Variants in PRPF18 observed in about 807,000 individuals in gnomAD.
PRPF18 encodes the protein pre-mRNA processing factor 18.
In PRPF18, 38 loss-of-function variants were observed where a neutral mutation model predicts 46.5. The ratio of observed to expected loss-of-function variants is 0.82; its 90% CI spans 0.63 to 1.07. The LOEUF is 1.07. Ranked by LOEUF, PRPF18 falls within the 50% of genes least tolerant of loss-of-function variation. The pLI is 0.00. For missense variants in PRPF18, 263 were observed against 410.0 expected (o/e 0.64, Z 3.10); for synonymous variants, 152 against 146.7 (o/e 1.04, Z -0.26).
chr10:13,650,889 G>A, the PRPF18 span, among the ~76,000 whole-genome samples: 2 of 152,220 alleles, frequency 1.3e-5, no homozygotes, highest in East Asian at 1.9e-4. Flanking sequence ...TAACATCTCC[G>A]TGAACTCGAA....
chr10:13,625,802 G>A (rs2080495162), intron 9 of PRPF18, among the ~76,000 whole-genome samples: 1 of 152,214 alleles, frequency 6.6e-6, no homozygotes, highest in Non-Finnish European at 1.5e-5. Context: ...GTAGAAGACA[G>A]TAGAGCAGTA....
downstream of PRPF18, among the ~76,000 whole-genome samples, chr10:13,633,127 G>A (rs2080604936): frequency 6.6e-6 from 1 of 152,220 alleles, no homozygotes; most frequent in Non-Finnish European, 1.5e-5. Context: ...AATTAGGAAA[G>A]TAAAGCTAAG....
rs1369377009 is a variant in PRPF18 at position 13,587,016 on chromosome 10, G to T, written c.-71G>T. 2 of 1,519,452 alleles carry T rather than the reference G, an allele frequency of 1.3e-6. No individual in the cohort carries two copies. The highest frequency in any genetic ancestry group is 2.7e-5 in the African/African-American group (2 of 72,768). 94.1% of individuals were successfully genotyped at this position (1,519,452 alleles called of 1,614,324 possible). A position where few individuals can be genotyped will look rare whatever the true frequency, so the allele number is the denominator to read the frequency against. Reference sequence around the variant, plus strand: ...TGTTCCGTATACTCAGTGGGTTCGCGGCCGCCGGCCCAGTGAGGCTGGGTT... The same window carrying T: ...TGTTCCGTATACTCAGTGGGTTCGCTGCCGCCGGCCCAGTGAGGCTGGGTT... On this transcript the variant is annotated 5_prime_UTR_variant, in exon 1 of 10. Transcript: ENST00000378572.
At chr10:13,654,645 C>T in the PRPF18 span, 19 of 630,832 alleles carry the variant, frequency 3.0e-5, no homozygotes, top group South Asian at 3.2e-4. Context: ...GGAAGGACCC[C>T]AGAGCAGGGT....
chr10:13,651,882 A>ACAAAACTCCCCTTACGGTACCTCTATT, the PRPF18 span: 1 of 1,323,978 alleles, frequency 7.6e-7, no homozygotes, highest in Admixed American at 1.7e-5. Context: ...GGCAGTAGGA[A>ACAAAACTCCCCTTACGGTACCTCTATT]CAAAACTCCC....
intron 4 of PRPF18, among the ~76,000 whole-genome samples, chr10:13,608,453 C>T (rs1370230315): frequency 6.6e-6 from 1 of 152,232 alleles, no homozygotes; most frequent in Non-Finnish European, 1.5e-5. Context: ...GCTTTACTTC[C>T]CAGCATTGTC....
chr10:13,626,402 A>G (rs540691159), intron 9 of PRPF18, among the ~76,000 whole-genome samples: 95 of 152,314 alleles, frequency 6.2e-4, no homozygotes, highest in Admixed American at 2.3e-3. Flanking sequence ...AAAGGGGAAA[A>G]AAACTTATGA....
the PRPF18 span, chr10:13,651,857 G>A: frequency 1.1e-6 from 1 of 910,382 alleles, no homozygotes; most frequent in African/African-American, 1.6e-5. Flanking sequence ...ACACATGTGG[G>A]ACCACAGACT....
At chr10:13,645,369 T>TC in the PRPF18 span, 5 of 75,126 alleles carry the variant, frequency 6.7e-5, no homozygotes, top group East Asian at 1.9e-3. Context: ...CCCCACCCCA[T>TC]CCCCCCACCA....
the PRPF18 span, chr10:13,640,682 A>C: frequency 6.6e-6 from 1 of 152,276 alleles, no homozygotes; most frequent in Admixed American, 6.5e-5. Flanking sequence ...CTTTTTAGTC[A>C]GTCTGGATCC....
intron 3 of PRPF18, among the ~76,000 whole-genome samples, chr10:13,604,513 A>G (rs2080157852): frequency 6.6e-6 from 1 of 152,252 alleles, no homozygotes; most frequent in African/African-American, 2.4e-5. Context: ...TATGCAGATT[A>G]TAACTCCCTG....
chr10:13,639,512 C>T, the PRPF18 span: 3 of 111,082 alleles, frequency 2.7e-5, no homozygotes, highest in East Asian at 4.3e-4. Context: ...GTTACACTAA[C>T]GTGGGCCAAA....
intron 9 of PRPF18, 93 bp downstream of exon 9, chr10:13,616,646 C>T: frequency 6.8e-7 from 1 of 1,480,710 alleles, no homozygotes; most frequent in South Asian, 1.2e-5. Context: ...AGAATTACAG[C>T]AAATAGAACA....
chr10:13,605,000 C>G lies in PRPF18; in HGVS notation c.250-631C>G, dbSNP rs118048880. 1.6e-4 allele frequency among the ~76,000 whole-genome samples: 25 copies of G among 152,282 alleles called. No homozygotes were observed. The East Asian group carries it at 3.1e-3, about 19-fold the overall frequency. On this transcript the variant is annotated intron_variant, in intron 3 of 9. Transcript: ENST00000378572. The stretch of plus-strand genomic sequence containing the variant: ...AGAGGTGGTTTATATTAGGGTCTTT[C>G]TTTAGACTTGAATTGTAGAGTCATA...
At chr10:13,598,409 A>G (rs1426274354) in intron 2 of PRPF18, among the ~76,000 whole-genome samples, 2 of 152,144 alleles carry the variant, frequency 1.3e-5, no homozygotes, top group Non-Finnish European at 2.9e-5. Context: ...TGTGCATGTA[A>G]TGGGGAAAGT....
the PRPF18 span, chr10:13,655,164 G>C: frequency 1.3e-5 from 2 of 152,106 alleles, no homozygotes; most frequent in Non-Finnish European, 2.9e-5. Context: ...TCAATCCTAC[G>C]TAAATGCATC....
chr10:13,622,598 A>T (rs1482636811), intron 9 of PRPF18, among the ~76,000 whole-genome samples: 2 of 152,204 alleles, frequency 1.3e-5, no homozygotes, highest in African/African-American at 4.8e-5. Context: ...TTGCACTGGA[A>T]ACTTGTTCTC....
intron 1 of PRPF18, among the ~76,000 whole-genome samples, chr10:13,597,140 T>C (rs1014511944): frequency 2.0e-5 from 3 of 152,324 alleles, no homozygotes; most frequent in East Asian, 3.9e-4. Flanking sequence ...GAAATTATCA[T>C]TGAACTCAGA....
At chr10:13,652,393 A>T in the PRPF18 span, 1,925 of 198,054 alleles carry the variant, frequency 9.7e-3, 48 homozygotes, top group African/African-American at 0.042. Flanking sequence ...ACAATCAATC[A>T]TATATTTGGA....
Sources: allele counts gnomAD v4.1 joint callset (sites outside exome capture counted in the v4.1 genomes callset), GRCh38; gene constraint gnomAD v4.1.1; transcripts MANE v1.5; gene names NCBI Gene and HGNC (gene_info 2026-07-23, HGNC 2026-07-21).